Variants in TSNARE1 observed in about 807,000 individuals in gnomAD.
TSNARE1 encodes the protein t-SNARE domain containing 1.
TSNARE1 carries 49 observed loss-of-function variants against 62.0 expected under a neutral mutation model. That is an observed-to-expected ratio of 0.79 (90% CI 0.63 to 1.00). TSNARE1 has a LOEUF of 1.00. Ranked by LOEUF, TSNARE1 falls within the 50% of genes least tolerant of loss-of-function variation. TSNARE1 has a pLI of 0.00. For synonymous variants in TSNARE1, 328 were observed against 294.4 expected, an observed-to-expected ratio of 1.11 and a Z score of -1.17; for missense variants, 755 against 700.1, an observed-to-expected ratio of 1.08 and a Z score of -0.88.
intron 12 of TSNARE1, among the ~76,000 whole-genome samples, chr8:142,241,003 G>C (rs1008646790): frequency 6.6e-6 from 1 of 152,298 alleles, no homozygotes; most frequent in Admixed American, 6.5e-5. Flanking sequence ...ACACAGCACT[G>C]AAAGTCCTCG....
intron 11 of TSNARE1, chr8:142,276,472 T>G (rs1158446318): frequency 1.0e-6 from 1 of 985,464 alleles, no homozygotes; most frequent in Non-Finnish European, 1.2e-6. Context: ...ACCTTACACC[T>G]GCAGTGGTAA....
intron 1 of TSNARE1, among the ~76,000 whole-genome samples, chr8:142,381,883 C>A (rs1836779205): frequency 6.6e-6 from 1 of 152,202 alleles, no homozygotes; most frequent in Non-Finnish European, 1.5e-5. Context: ...CGCAGCTCAT[C>A]CTGCGTGTGG....
chr8:142,273,281 G>A (rs549069631), intron 12 of TSNARE1: 3 of 985,346 alleles, frequency 3.0e-6, no homozygotes, highest in East Asian at 1.1e-4. Flanking sequence ...AGGGTGCTCA[G>A]GAGGGGTCAT....
intron 12 of TSNARE1, among the ~76,000 whole-genome samples, chr8:142,259,152 T>C (rs1404940885): frequency 2.0e-5 from 3 of 152,238 alleles, no homozygotes; most frequent in Non-Finnish European, 1.5e-5. Flanking sequence ...GTGAGGAGGA[T>C]GGGCACGTTG....
At chr8:142,303,143 T>C (rs1430589669) in intron 9 of TSNARE1, among the ~76,000 whole-genome samples, 1 of 152,180 alleles carries the variant, frequency 6.6e-6, no homozygotes, top group Non-Finnish European at 1.5e-5. Context: ...GCAAAGAAGC[T>C]GTAGAGGCTG....
intron 12 of TSNARE1, among the ~76,000 whole-genome samples, chr8:142,233,258 G>A (rs1289764414): frequency 1.3e-5 from 2 of 152,250 alleles, no homozygotes; most frequent in African/African-American, 4.8e-5. Context: ...GGCACGAAGA[G>A]CTGGCACAGC....
chr8:142,342,905 A>T (rs1425389060), intron 4 of TSNARE1, among the ~76,000 whole-genome samples: 1 of 149,114 alleles, frequency 6.7e-6, no homozygotes, highest in Non-Finnish European at 1.5e-5. Flanking sequence ...CCACCACATC[A>T]GGAGCTCAGA....
chr8:142,316,087 ACGTAAGCGCAGCGCCTCC>A (rs1828483404), intron 7 of TSNARE1, among the ~76,000 whole-genome samples: 1 of 151,890 alleles, frequency 6.6e-6, no homozygotes, highest in South Asian at 2.1e-4. Flanking sequence ...TCAGCACCTC[ACGTAAGCGCAGCGCCTCC>A]CGTAAGAGGG....
At chr8:142,313,597 A>G (rs371951094) in intron 9 of TSNARE1, among the ~76,000 whole-genome samples, 1 of 148,578 alleles carries the variant, frequency 6.7e-6, no homozygotes, top group Non-Finnish European at 1.5e-5. Flanking sequence ...ATGTGTCTCT[A>G]TGTGTGTTTA....
chr8:142,215,254 C>T lies in TSNARE1; in HGVS notation c.*12-2941G>A, dbSNP rs187139948. On this transcript the variant is annotated intron_variant, in intron 13 of 13. Transcript: ENST00000524325. Reference sequence around the variant, plus strand: ...TGCCAGACCAGGATCCAGCTGTGTTCGGAGGCACCCCCCACTTCCTAGCTG... The same window carrying T: ...TGCCAGACCAGGATCCAGCTGTGTTTGGAGGCACCCCCCACTTCCTAGCTG... Among the ~76,000 whole-genome samples the T allele has an allele frequency of 2.8e-3, 422 of 152,318 alleles. 1 individual carries two copies. Among genetic ancestry groups the T allele is most frequent in the Non-Finnish European group, 4.9e-3 (333 of 68,018 alleles).
intron 13 of TSNARE1, among the ~76,000 whole-genome samples, chr8:142,226,847 T>C (rs1816799177): frequency 6.6e-6 from 1 of 152,070 alleles, no homozygotes; most frequent in Admixed American, 6.6e-5. Flanking sequence ...CTGTGGGCCC[T>C]GCCCCACCTC....
intron 6 of TSNARE1, among the ~76,000 whole-genome samples, chr8:142,330,523 C>T (rs1464767616): frequency 1.3e-5 from 2 of 152,262 alleles, no homozygotes; most frequent in Non-Finnish European, 2.9e-5. Context: ...GTGTCCATAG[C>T]TGAGCAGGCC....
At chr8:142,299,562 A>T (rs1431374068) in intron 10 of TSNARE1, among the ~76,000 whole-genome samples, 1 of 152,204 alleles carries the variant, frequency 6.6e-6, no homozygotes, top group African/African-American at 2.4e-5. Context: ...GATGTGTTCT[A>T]TGTACACTCA....
At chr8:142,315,127 G>A in intron 7 of TSNARE1, 35 bp from the exon 8 acceptor site, 1 of 1,609,044 alleles carries the variant, frequency 6.2e-7, no homozygotes, top group South Asian at 1.1e-5. Context: ...GGCATGGGAG[G>A]CTTGGCCCTG....
chr8:142,255,842 C>G (rs868645415), intron 12 of TSNARE1, among the ~76,000 whole-genome samples: 3 of 70,774 alleles, frequency 4.2e-5, no homozygotes, highest in East Asian at 4.4e-4. Flanking sequence ...ACCACCACCA[C>G]CATCACCACC....
At chr8:142,304,399 C>T (rs1393634581) in intron 9 of TSNARE1, among the ~76,000 whole-genome samples, 4 of 152,254 alleles carry the variant, frequency 2.6e-5, no homozygotes, top group Non-Finnish European at 5.9e-5. Flanking sequence ...ACGCCCTTCT[C>T]TGGGCCTCAC....
intron 11 of TSNARE1, chr8:142,280,087 C>A: frequency 8.4e-7 from 1 of 1,193,884 alleles, no homozygotes; most frequent in Non-Finnish European, 1.1e-6. Flanking sequence ...GCTCCACACG[C>A]GGTGCTTTCG....
chr8:142,236,906 G>A (rs944566201), intron 12 of TSNARE1, among the ~76,000 whole-genome samples: 3 of 152,222 alleles, frequency 2.0e-5, no homozygotes, highest in Admixed American at 6.5e-5. Flanking sequence ...TGCACCCTGC[G>A]GCGGTCATGA....
intron 10 of TSNARE1, among the ~76,000 whole-genome samples, chr8:142,288,780 T>C (rs1232876419): frequency 6.6e-6 from 1 of 152,216 alleles, no homozygotes; most frequent in Non-Finnish European, 1.5e-5. Context: ...TAACTGCCCA[T>C]TGGGATGAGC....
Sources: gnomAD v4.1 joint callset for allele counts (sites outside exome capture counted in the v4.1 genomes callset) on GRCh38, gnomAD v4.1.1 for gene constraint, MANE v1.5 for transcripts, NCBI Gene and HGNC (gene_info 2026-07-23, HGNC 2026-07-21) for gene names.